The following PEX14 variants were observed in gnomAD, a reference collection of about 807,000 sequenced individuals.
PEX14 encodes peroxisomal membrane protein PEX14.
In PEX14, 15 loss-of-function variants were observed where a neutral mutation model predicts 49.5. The observed-to-expected ratio is 0.30, with a 90% CI of 0.20 to 0.47. The LOEUF (loss-of-function observed/expected upper bound fraction) is 0.47. Among genes scored for constraint, PEX14 ranks in the 20% least tolerant of loss-of-function variants. The pLI is 1.00. For synonymous variants in PEX14, 210 were observed against 212.7 expected (o/e 0.99, Z 0.11); for missense variants, 398 against 494.8 (o/e 0.80, Z 1.86).
chr1:10,581,549 C>T (rs1640319915), intron 3 of PEX14, among the ~76,000 whole-genome samples: 1 of 151,598 alleles, frequency 6.6e-6, no homozygotes, highest in East Asian at 1.9e-4. Context: ...TATGATCCAC[C>T]CACCTTGGCC....
chr1:10,526,825 G>A (rs553010258), intron 2 of PEX14, among the ~76,000 whole-genome samples: 18 of 152,248 alleles, frequency 1.2e-4, no homozygotes, highest in African/African-American at 4.1e-4. Context: ...TCAGATTAGG[G>A]ATGCTCATCC....
At chr1:10,490,991 G>A (rs1048272001) in intron 1 of PEX14, among the ~76,000 whole-genome samples, 3 of 151,298 alleles carry the variant, frequency 2.0e-5, no homozygotes, top group Admixed American at 6.6e-5. Context: ...CACCATGCCC[G>A]GCCTTGTTTT....
At chr1:10,591,467 T>C (rs1474002068) in intron 3 of PEX14, among the ~76,000 whole-genome samples, 1 of 152,166 alleles carries the variant, frequency 6.6e-6, no homozygotes, top group African/African-American at 2.4e-5. Flanking sequence ...CCAAATATTT[T>C]CTTTGTTCTT....
At chr1:10,477,191 C>T (rs1270112227) in intron 1 of PEX14, among the ~76,000 whole-genome samples, 1 of 152,118 alleles carries the variant, frequency 6.6e-6, no homozygotes, top group Non-Finnish European at 1.5e-5. Flanking sequence ...CTGCCTCAGC[C>T]TCCCTAGTAG....
At chr1:10,618,037 C>T (rs1408141521) in intron 4 of PEX14, among the ~76,000 whole-genome samples, 1 of 152,218 alleles carries the variant, frequency 6.6e-6, no homozygotes, top group African/African-American at 2.4e-5. Context: ...TTCAGATCAC[C>T]TCTGCCACCT....
intron 7 of PEX14, among the ~76,000 whole-genome samples, chr1:10,625,335 G>A (rs954660719): frequency 6.6e-6 from 1 of 152,146 alleles, no homozygotes; most frequent in Non-Finnish European, 1.5e-5. Context: ...CTCTGTGGCC[G>A]GCGGACACTG....
At chr1:10,534,026 T>C (rs1044967988) in intron 2 of PEX14, among the ~76,000 whole-genome samples, 5 of 152,200 alleles carry the variant, frequency 3.3e-5, no homozygotes, top group Non-Finnish European at 7.4e-5. Context: ...GTTTTCTTTC[T>C]CTGTCATGGA....
At chr1:10,493,617 G>A (rs1055492945) in intron 1 of PEX14, among the ~76,000 whole-genome samples, 1 of 152,012 alleles carries the variant, frequency 6.6e-6, no homozygotes, top group Non-Finnish European at 1.5e-5. Context: ...TTGTAGAGAC[G>A]AGGATTTGCC....
At chr1:10,551,208 C>T (rs1245842711) in intron 3 of PEX14, among the ~76,000 whole-genome samples, 1 of 152,100 alleles carries the variant, frequency 6.6e-6, no homozygotes, top group Non-Finnish European at 1.5e-5. Context: ...AAATTGCTGA[C>T]CTTCTGCAGC....
Position 10,629,902 on chromosome 1 carries a change from G to A in PEX14, c.1049G>A (p.Arg350His), listed in dbSNP as rs1375168634. The A allele has an allele frequency of 6.2e-7, 1 of 1,613,366 alleles. No homozygotes were observed. Among genetic ancestry groups the A allele is most frequent in the Non-Finnish European group, 8.5e-7 (1 of 1,179,884 alleles). Residue 350 changes from arginine to histidine, a missense_variant, in exon 9 of 9, where the codon CGC becomes CAC. This residue lies in a region of PEX14 where 140 missense variants were observed against 155.5 expected (regional missense o/e 0.90). Coordinates refer to ENST00000356607, the MANE Select transcript of PEX14 (RefSeq NM_004565.3). The surrounding 1 kb of genome is among the most constrained non-coding windows in gnomAD (Gnocchi z 8.5). The part of the protein sequence containing the change: ...EDCLGVQRED[R>H]RGGDGQINEQ... ...TGCCTGGGGGTGCAGAGGGAGGACC[G>A]CCGGGGCGGGGATGGGCAGATCAAC...
chr1:10,608,928 C>T (rs1641200658), intron 4 of PEX14, among the ~76,000 whole-genome samples: 1 of 152,144 alleles, frequency 6.6e-6, no homozygotes, highest in African/African-American at 2.4e-5. Flanking sequence ...CCTCTTCCCA[C>T]CTCTAGCCCC....
intron 3 of PEX14, among the ~76,000 whole-genome samples, chr1:10,547,044 C>T (rs1209459648): frequency 6.6e-6 from 1 of 152,116 alleles, no homozygotes; most frequent in African/African-American, 2.4e-5. Flanking sequence ...AGTGGGGAAT[C>T]AAGAGGCTGT....
At chr1:10,585,478 A>T (rs535087799) in intron 3 of PEX14, among the ~76,000 whole-genome samples, 1 of 152,376 alleles carries the variant, frequency 6.6e-6, no homozygotes, top group South Asian at 2.1e-4. Flanking sequence ...TCAAGATTAG[A>T]TTTAAAAGAC....
At chr1:10,480,857 C>A (rs1426972529) in intron 1 of PEX14, among the ~76,000 whole-genome samples, 9 of 139,560 alleles carry the variant, frequency 6.4e-5, no homozygotes, top group Middle Eastern at 3.6e-3. Flanking sequence ...CTCTCTCTCT[C>A]TCTATATATA....
chr1:10,586,135 A>G (rs1259324760), intron 3 of PEX14, among the ~76,000 whole-genome samples: 1 of 152,248 alleles, frequency 6.6e-6, no homozygotes, highest in African/African-American at 2.4e-5. Context: ...AGACAAAGCA[A>G]TCCAGATTCT....
chr1:10,610,356 CAT>C (rs999014236), intron 4 of PEX14, among the ~76,000 whole-genome samples: 153 of 143,012 alleles, frequency 1.1e-3, no homozygotes, highest in East Asian at 3.0e-3. Flanking sequence ...TATAACTTTA[CAT>C]ATATATATAT....
chr1:10,621,499 A>C (rs921213148), intron 5 of PEX14, among the ~76,000 whole-genome samples: 15 of 152,182 alleles, frequency 9.9e-5, no homozygotes, highest in Admixed American at 2.0e-4. Context: ...GGCATGCGCC[A>C]CCACACTCAG....
intron 3 of PEX14, among the ~76,000 whole-genome samples, chr1:10,593,567 A>G (rs1283007814): frequency 1.3e-5 from 2 of 152,164 alleles, no homozygotes; most frequent in Non-Finnish European, 2.9e-5. Context: ...CAGGGTAGTG[A>G]CATGTGGAAC....
intron 3 of PEX14, among the ~76,000 whole-genome samples, chr1:10,576,778 A>G (rs1303920828): frequency 7.3e-6 from 1 of 136,924 alleles, no homozygotes; most frequent in African/African-American, 2.7e-5. Flanking sequence ...TTTTTTTTAG[A>G]TGGAATTTTG....
Sources: allele counts gnomAD v4.1 joint callset (sites outside exome capture counted in the v4.1 genomes callset), GRCh38; gene constraint gnomAD v4.1.1; regional missense constraint gnomAD v4.1.1; non-coding constraint Gnocchi (gnomAD v3.1); transcripts MANE v1.5; gene names NCBI Gene and HGNC (gene_info 2026-07-23, HGNC 2026-07-21).